The following BSN variants were observed in gnomAD, a reference collection of about 807,000 sequenced individuals.
BSN encodes the protein protein bassoon.
A neutral mutation model predicts 264.8 loss-of-function variants in BSN; 57 were observed. The ratio of observed to expected loss-of-function variants is 0.22; its 90% CI spans 0.17 to 0.27. The LOEUF (loss-of-function observed/expected upper bound fraction) is 0.27. Ranked by LOEUF, BSN falls within the 10% of genes least tolerant of loss-of-function variation. BSN has a pLI of 1.00. For synonymous variants in BSN, 2,059 were observed against 2,137.3 expected (o/e 0.96, Z 1.01); for missense variants, 4,615 against 5,232.5 (o/e 0.88, Z 3.64).
chr3:49,598,230 A>G (rs2052040778), intron 1 of BSN, among the ~76,000 whole-genome samples: 1 of 152,188 alleles, frequency 6.6e-6, no homozygotes, highest in Non-Finnish European at 1.5e-5. Flanking sequence ...AAAACTGGAC[A>G]TTTTAAGGAA....
At chr3:49,561,167 T>G (rs1190972013) in intron 1 of BSN, among the ~76,000 whole-genome samples, 2 of 152,244 alleles carry the variant, frequency 1.3e-5, no homozygotes, top group Non-Finnish European at 2.9e-5. Context: ...AAATCTTGAA[T>G]GGCCTGGAGA....
chr3:49,591,654 G>A (rs1038705056), intron 1 of BSN, among the ~76,000 whole-genome samples: 2 of 152,012 alleles, frequency 1.3e-5, no homozygotes, highest in African/African-American at 4.8e-5. Flanking sequence ...CTGTAGTGCA[G>A]TGGCATGATC....
intron 11 of BSN, among the ~76,000 whole-genome samples, chr3:49,666,779 AG>A (rs1050033442): frequency 1.2e-4 from 18 of 144,016 alleles, no homozygotes; most frequent in Non-Finnish European, 3.0e-5. Context: ...GTAAAGTCCA[AG>A]GGGGTGGGAG....
At position 49,655,584 on chromosome 3, in the gene BSN, C is replaced by T; in HGVS notation, c.6028C>T (p.Arg2010Ter). ...CGGGCAGCTCTTCCAGGGTCCTGGA[C>T]GAGACTCGGCTATGGACCTCAGCTC... ...RIGQLFQGPG[R>*]DSAMDLSSLK... The change falls in exon 5 of 12, where the codon CGA becomes TGA. Residue 2010 changes from arginine (R) to a stop codon, truncating the protein, a stop_gained. Coordinates refer to ENST00000296452, the MANE Select transcript of BSN (RefSeq NM_003458.4). LOFTEE classifies it high-confidence loss of function. 1 of 1,613,626 alleles carries T rather than the reference C, an allele frequency of 6.2e-7. No individual in the cohort carries two copies. Among genetic ancestry groups the T allele is most frequent in the Non-Finnish European group, 8.5e-7 (1 of 1,180,002 alleles).
chr3:49,576,795 C>T (rs1340960422), intron 1 of BSN, among the ~76,000 whole-genome samples: 1 of 152,206 alleles, frequency 6.6e-6, no homozygotes, highest in Non-Finnish European at 1.5e-5. Context: ...GAGCAGAAGA[C>T]TGCTTTCAGA....
chr3:49,561,393 G>A (rs985373094), intron 1 of BSN, among the ~76,000 whole-genome samples: 1 of 152,214 alleles, frequency 6.6e-6, no homozygotes. Context: ...CCACTGGCTT[G>A]TGTGGGGAGC....
At chr3:49,631,197 A>G in intron 2 of BSN, among the ~76,000 whole-genome samples, 1 of 151,922 alleles carries the variant, frequency 6.6e-6, no homozygotes, top group East Asian at 1.9e-4. Context: ...GCAAACACAC[A>G]ATCACATCTG....
chr3:49,575,184 T>C (rs1484995987), intron 1 of BSN, among the ~76,000 whole-genome samples: 3 of 151,636 alleles, frequency 2.0e-5, no homozygotes, highest in Non-Finnish European at 4.4e-5. Context: ...CAAAATCCCA[T>C]CTCTACTAAA....
chr3:49,611,868 TTGGCTCTGGGTAGTGACTC>T (rs1359097210), intron 1 of BSN, among the ~76,000 whole-genome samples: 1 of 152,188 alleles, frequency 6.6e-6, no homozygotes, highest in Non-Finnish European at 1.5e-5. Flanking sequence ...GACCTAGGTC[TTGGCTCTGGGTAGTGACTC>T]TGGCCTGGCC....
intron 1 of BSN, among the ~76,000 whole-genome samples, chr3:49,606,191 T>A (rs1334984575): frequency 3.1e-4 from 24 of 77,212 alleles, no homozygotes; most frequent in African/African-American, 1.3e-3. Context: ...ATATATATTA[T>A]ATATACATAT....
Position 49,662,195 on chromosome 3 carries a change from T to C in BSN, c.10350T>C (p.Ser3450=). The part of the protein sequence containing the change: ...SSRSRAPSAY[S]GEKLSSHDFS... ...GGTCCCGGGCACCTTCTGCATACAGTGGGGAGAAGCTGTCCAGCCACGACT... is the reference window on the plus strand; with the variant it reads ...GGTCCCGGGCACCTTCTGCATACAGCGGGGAGAAGCTGTCCAGCCACGACT... The change falls in exon 6 of 12, where the codon AGT becomes AGC. Residue 3450 remains serine, a synonymous_variant. Transcript: ENST00000296452. 1 of 1,612,110 alleles carries C rather than the reference T, an allele frequency of 6.2e-7. No homozygotes were observed. Among genetic ancestry groups the C allele is most frequent in the South Asian group, 1.1e-5 (1 of 91,002 alleles).
At position 49,654,783 on chromosome 3, in the gene BSN, G is replaced by A; in HGVS notation, c.5227G>A (p.Ala1743Thr). 1.9e-6 allele frequency: 3 copies of A among 1,613,502 alleles called. No homozygotes were observed. Among genetic ancestry groups the A allele is most frequent in the Non-Finnish European group, 2.5e-6 (3 of 1,179,950 alleles). ...SITMASSVFM[A>T]QQKQPVVYGD... is the part of the protein sequence containing the mutation. Reference sequence around the variant, plus strand: ...CACCATGGCCTCGTCTGTGTTCATGGCTCAACAAAAGCAGCCTGTGGTCTA... The same window carrying A: ...CACCATGGCCTCGTCTGTGTTCATGACTCAACAAAAGCAGCCTGTGGTCTA... Residue 1743 changes from alanine to threonine, a missense_variant, in exon 5 of 12, where the codon GCT becomes ACT. Around this residue, in one of 3 missense-constraint regions of BSN, gnomAD observed 3,415 missense variants for 3,866.4 expected, o/e 0.88. Transcript: ENST00000296452. This position sits in a 1 kb window ranked among gnomAD's most constrained non-coding sequence, Gnocchi z 4.1.
chr3:49,624,317 T>TTTTTTTTTTTTTTC (rs1559607969), intron 1 of BSN, among the ~76,000 whole-genome samples: 2 of 127,792 alleles, frequency 1.6e-5, no homozygotes, highest in African/African-American at 3.0e-5. Flanking sequence ...TTTTTTTTTT[T>TTTTTTTTTTTTTTC]AGACAGGGTC....
chr3:49,616,589 G>A (rs914890437), intron 1 of BSN, among the ~76,000 whole-genome samples: 4 of 152,208 alleles, frequency 2.6e-5, no homozygotes, highest in Non-Finnish European at 5.9e-5. Flanking sequence ...GCGGTGGGGG[G>A]CATGCTCTGG....
intron 1 of BSN, among the ~76,000 whole-genome samples, chr3:49,604,677 T>TATG (rs1156716261): frequency 6.6e-6 from 1 of 152,178 alleles, no homozygotes; most frequent in African/African-American, 2.4e-5. Context: ...TCTTGAGTAC[T>TATG]GCAACAGCCT....
Position 49,554,755 on chromosome 3 carries a change from A to T in BSN, c.153A>T (p.Ala51=). 3 of 1,212,514 alleles carry T rather than the reference A, an allele frequency of 2.5e-6. No individual in the cohort carries two copies. Among genetic ancestry groups the T allele is most frequent in the Non-Finnish European group, 3.1e-6 (3 of 975,350 alleles). 75.1% of individuals were successfully genotyped at this position (1,212,514 alleles called of 1,614,324 possible). A position where few individuals can be genotyped will look rare whatever the true frequency, so the allele number is the denominator to read the frequency against. Residue 51 remains alanine (A), a synonymous_variant, in exon 1 of 12, where the codon GCA becomes GCT. Coordinates refer to ENST00000296452, the MANE Select transcript of BSN (RefSeq NM_003458.4). ...GCGGACAGCTCCCCGCGGCGGGAGCAGCGCGGTCGACCGCGGTACCACCGG... is the reference window on the plus strand; with the variant it reads ...GCGGACAGCTCCCCGCGGCGGGAGCTGCGCGGTCGACCGCGGTACCACCGG... ...AGGGQLPAAG[A]ARSTAVPPVP...
rs550402381 is a variant in BSN at position 49,657,389 on chromosome 3, T to A, written c.7833T>A (p.Ser2611Arg). Residue 2611 changes from serine (S) to arginine (R), a missense_variant, in exon 5 of 12, where the codon AGT (serine) becomes AGA (arginine). Around this residue, in one of 3 missense-constraint regions of BSN, gnomAD observed 3,415 missense variants for 3,866.4 expected, o/e 0.88. Coordinates refer to ENST00000296452, the MANE Select transcript of BSN (RefSeq NM_003458.4). ...RRRARRSADC[S>R]VQTDDEDSAE... ...GGGCACGGCGGAGTGCTGACTGCAG[T>A]GTGCAGACGGACGACGAAGACAGTG... 6.2e-7 allele frequency: 1 copy of A among 1,613,164 alleles called. No homozygotes were observed. The highest frequency in any genetic ancestry group is 8.5e-7 in the Non-Finnish European group (1 of 1,180,004).
intron 1 of BSN, among the ~76,000 whole-genome samples, chr3:49,559,701 G>C (rs2051699120): frequency 1.3e-5 from 2 of 152,172 alleles, no homozygotes; most frequent in Non-Finnish European, 2.9e-5. Context: ...TATTATTAGA[G>C]AACTATGACA....
intron 1 of BSN, among the ~76,000 whole-genome samples, chr3:49,558,177 T>C (rs550156097): frequency 6.6e-6 from 1 of 152,050 alleles, no homozygotes; most frequent in Non-Finnish European, 1.5e-5. Context: ...GAGGTAGAGA[T>C]GTAAGGCTGG....
Sources: gnomAD v4.1 joint callset for allele counts (sites outside exome capture counted in the v4.1 genomes callset) on GRCh38, gnomAD v4.1.1 for gene constraint, gnomAD v4.1.1 regional missense constraint, Gnocchi (gnomAD v3.1) non-coding constraint, MANE v1.5 for transcripts, NCBI Gene and HGNC (gene_info 2026-07-23, HGNC 2026-07-21) for gene names.